Variants in AHCYL2 observed in about 807,000 individuals in gnomAD.
AHCYL2 encodes the protein S-adenosylhomocysteine hydrolase-like protein 2.
In AHCYL2, 28 loss-of-function variants were observed where a neutral mutation model predicts 81.4. That is an observed-to-expected ratio of 0.34 (90% CI 0.25 to 0.47). AHCYL2 has a LOEUF of 0.47. Ranked by LOEUF, AHCYL2 falls within the 20% of genes least tolerant of loss-of-function variation. The pLI, the probability that AHCYL2 is intolerant of heterozygous loss-of-function variation, is 1.00. For missense variants in AHCYL2, 551 were observed against 785.1 expected (o/e 0.70, Z 3.56); for synonymous variants, 272 against 290.2 (o/e 0.94, Z 0.64).
intron 1 of AHCYL2, among the ~76,000 whole-genome samples, chr7:129,250,018 G>A (rs1006286920): frequency 1.3e-5 from 2 of 152,152 alleles, no homozygotes; most frequent in African/African-American, 4.8e-5. Flanking sequence ...TGTTATTGGG[G>A]TACAAGGCTG....
At chr7:129,242,136 G>A (rs1794881946) in intron 1 of AHCYL2, among the ~76,000 whole-genome samples, 1 of 152,082 alleles carries the variant, frequency 6.6e-6, no homozygotes, top group Admixed American at 6.6e-5. Context: ...GTTTTAGCCA[G>A]TTTGATACAT....
chr7:129,386,050 T>G (rs1481590862), intron 2 of AHCYL2, among the ~76,000 whole-genome samples: 6 of 152,218 alleles, frequency 3.9e-5, no homozygotes, highest in Non-Finnish European at 7.3e-5. Context: ...TTCCACTGTG[T>G]TTGCAGAACT....
intron 12 of AHCYL2, among the ~76,000 whole-genome samples, chr7:129,422,412 C>T (rs1797159671): frequency 6.6e-6 from 1 of 152,198 alleles, no homozygotes; most frequent in Non-Finnish European, 1.5e-5. Flanking sequence ...TTTGTTTCTT[C>T]AGCACTTATA....
At chr7:129,290,766 TA>T (rs1796820688) in intron 1 of AHCYL2, among the ~76,000 whole-genome samples, 1 of 151,014 alleles carries the variant, frequency 6.6e-6, no homozygotes, top group Admixed American at 6.6e-5. Context: ...CCATCTCTAC[TA>T]AAAAATACAA....
At chr7:129,307,699 C>G (rs78989098) in intron 1 of AHCYL2, among the ~76,000 whole-genome samples, 2 of 151,678 alleles carry the variant, frequency 1.3e-5, no homozygotes, top group Admixed American at 1.3e-4. Context: ...CCAACACAGT[C>G]GTGAATTTGC....
intron 1 of AHCYL2, among the ~76,000 whole-genome samples, chr7:129,229,326 C>CA (rs1794338160): frequency 6.6e-6 from 1 of 152,192 alleles, no homozygotes; most frequent in South Asian, 2.1e-4. Context: ...CTCGGCCTCC[C>CA]AAAGTGCTGG....
Position 129,253,333 on chromosome 7 carries a change from A to T in AHCYL2, c.363+27894A>T, listed in dbSNP as rs574638178. On this transcript the variant is annotated intron_variant, in intron 1 of 16. Coordinates refer to ENST00000325006, the MANE Select transcript of AHCYL2 (RefSeq NM_015328.4). ...GATTGGGACCTTGCCAAGACGTAGCATGTAGCAGAGTATCGAAGAATACTC... is the reference window on the plus strand; with the variant it reads ...GATTGGGACCTTGCCAAGACGTAGCTTGTAGCAGAGTATCGAAGAATACTC... Among the ~76,000 whole-genome samples the T allele has an allele frequency of 8.5e-5, 13 of 152,358 alleles. No individual in the cohort carries two copies. In the South Asian group the frequency reaches 2.5e-3, roughly 29 times the overall value.
intron 1 of AHCYL2, among the ~76,000 whole-genome samples, chr7:129,245,888 T>C (rs776723616): frequency 6.6e-6 from 1 of 152,240 alleles, no homozygotes; most frequent in Non-Finnish European, 1.5e-5. Flanking sequence ...TGCTGGGTTA[T>C]ATGGTCATTT....
At chr7:129,311,313 CT>C (rs1797649442) in intron 1 of AHCYL2, among the ~76,000 whole-genome samples, 1 of 152,098 alleles carries the variant, frequency 6.6e-6, no homozygotes, top group African/African-American at 2.4e-5. Flanking sequence ...AGTAAGAGAC[CT>C]ATTAATATGG....
Position 129,426,982 on chromosome 7 carries a change from TC to T in AHCYL2, c.1830-54del. ...TACACCTTTAGGCAGGCTCTTCATG[TC>T]CCAGCATCCCCATTAGCTGATAACA... On this transcript the variant is annotated intron_variant, in intron 16 of 16. Transcript: ENST00000325006. This position sits in a 1 kb window ranked among gnomAD's most constrained non-coding sequence, Gnocchi z 4.3. 1 of 1,575,722 alleles carries T rather than the reference TC, an allele frequency of 6.3e-7. No homozygotes were observed. Among genetic ancestry groups the T allele is most frequent in the Non-Finnish European group, 8.7e-7 (1 of 1,146,686 alleles).
chr7:129,284,826 A>G (rs1393593952), intron 1 of AHCYL2, among the ~76,000 whole-genome samples: 2 of 152,172 alleles, frequency 1.3e-5, no homozygotes, highest in African/African-American at 4.8e-5. Context: ...AACTAGAAAA[A>G]TGTCTTAAGA....
intron 1 of AHCYL2, among the ~76,000 whole-genome samples, chr7:129,346,221 G>A: frequency 6.6e-6 from 1 of 152,104 alleles, no homozygotes; most frequent in East Asian, 1.9e-4. Context: ...ATACAACATG[G>A]AATGATGGTA....
chr7:129,333,619 T>TG, intron 1 of AHCYL2, among the ~76,000 whole-genome samples: 1 of 152,188 alleles, frequency 6.6e-6, no homozygotes, highest in South Asian at 2.1e-4. Flanking sequence ...AGTTCAGATA[T>TG]GGGGAAAAAA....
In AHCYL2 at chr7:129,350,865, C is replaced by T. The variant is rs182022697; in HGVS notation, c.364-28773C>T. Among the ~76,000 whole-genome samples, 423 of 151,352 alleles carry T rather than the reference C, an allele frequency of 2.8e-3. 2 individuals carry two copies. The highest frequency in any genetic ancestry group is 9.4e-3 in the African/African-American group (387 of 41,234). On this transcript the variant is annotated intron_variant, in intron 1 of 16. Coordinates refer to ENST00000325006, the MANE Select transcript of AHCYL2 (RefSeq NM_015328.4). Reference sequence around the variant, plus strand: ...ATTAGAGGCTCCCGCCATGATGCCCCGCTAATTTTTGTATATTTAGTAGAG... The same window carrying T: ...ATTAGAGGCTCCCGCCATGATGCCCTGCTAATTTTTGTATATTTAGTAGAG...
intron 2 of AHCYL2, chr7:129,388,662 A>G (rs1260365168): frequency 6.3e-6 from 1 of 158,858 alleles, no homozygotes; most frequent in Non-Finnish European, 1.4e-5. Context: ...TAATTGTACT[A>G]AAACACAAAT....
chr7:129,416,082 T>C (rs2150957650), intron 12 of AHCYL2, among the ~76,000 whole-genome samples: 1 of 152,238 alleles, frequency 6.6e-6, no homozygotes, highest in Non-Finnish European at 1.5e-5. Context: ...AGGGTTTTTT[T>C]TTTACTCCTA....
intron 1 of AHCYL2, among the ~76,000 whole-genome samples, chr7:129,251,342 T>TTTTC (rs1491486122): frequency 9.1e-6 from 1 of 109,354 alleles, no homozygotes; most frequent in Non-Finnish European, 2.0e-5. Flanking sequence ...TTTTTTTTTT[T>TTTTC]AAATAAGAGT....
chr7:129,255,528 A>C (rs1398851247), intron 1 of AHCYL2, among the ~76,000 whole-genome samples: 1 of 152,200 alleles, frequency 6.6e-6, no homozygotes, highest in East Asian at 1.9e-4. Context: ...ATTAAAAATA[A>C]ATTTTGAACT....
intron 5 of AHCYL2, 41 bp downstream of exon 5, chr7:129,397,365 A>G (rs1270654146): frequency 1.3e-6 from 2 of 1,539,960 alleles, no homozygotes; most frequent in South Asian, 1.1e-5. Flanking sequence ...AAGTAAGTCT[A>G]TTTGGAGACT....
Sources: allele counts gnomAD v4.1 joint callset (sites outside exome capture counted in the v4.1 genomes callset), GRCh38; gene constraint gnomAD v4.1.1; non-coding constraint Gnocchi (gnomAD v3.1); transcripts MANE v1.5; gene names NCBI Gene and HGNC (gene_info 2026-07-23, HGNC 2026-07-21).